The following ODAD4 variants were observed in gnomAD, a reference collection of about 807,000 sequenced individuals.
ODAD4 encodes outer dynein arm-docking complex subunit 4.
ODAD4 carries 49 observed loss-of-function variants against 51.8 expected under a neutral mutation model. The ratio of observed to expected loss-of-function variants is 0.95; its 90% CI spans 0.75 to 1.20. The LOEUF (loss-of-function observed/expected upper bound fraction) is 1.20, where lower values mean the gene tolerates loss of function less well. ODAD4 is among the 50% of genes most tolerant of loss of function. The pLI, the probability that ODAD4 is intolerant of heterozygous loss-of-function variation, is 0.00. For missense variants in ODAD4, 590 were observed against 586.5 expected (o/e 1.01, Z -0.06); for synonymous variants, 235 against 221.3 (o/e 1.06, Z -0.55).
intron 2 of ODAD4, 96 bp from the exon 3 acceptor site, chr17:41,935,502 CA>C: frequency 2.6e-6 from 4 of 1,516,210 alleles, no homozygotes; most frequent in Non-Finnish European, 3.6e-6. Flanking sequence ...CCCTGTATTC[CA>C]ACCTTGACCT....
intron 7 of ODAD4, among the ~76,000 whole-genome samples, chr17:41,940,739 G>T (rs2050494089): frequency 6.6e-6 from 1 of 152,018 alleles, no homozygotes; most frequent in African/African-American, 2.4e-5. Flanking sequence ...GTATATATAT[G>T]GTACCTTGGA....
chr17:41,950,985 TAGGCATA>T (rs2050643429), intron 9 of ODAD4, among the ~76,000 whole-genome samples: 1 of 151,440 alleles, frequency 6.6e-6, no homozygotes, highest in Non-Finnish European at 1.5e-5. Flanking sequence ...GCTGGGATTA[TAGGCATA>T]AGCCACTGCA....
At chr17:41,950,217 G>A (rs887606552) in intron 9 of ODAD4, among the ~76,000 whole-genome samples, 9 of 152,162 alleles carry the variant, frequency 5.9e-5, no homozygotes, top group Middle Eastern at 3.4e-3. Context: ...TGATCCACCC[G>A]CCTCAGCTTC....
intron 7 of ODAD4, among the ~76,000 whole-genome samples, chr17:41,941,328 T>C (rs1017569962): frequency 1.1e-4 from 17 of 152,336 alleles, no homozygotes; most frequent in Non-Finnish European, 2.1e-4. Flanking sequence ...CCTGGCTTTC[T>C]CCAGGCCCCC....
intron 8 of ODAD4, among the ~76,000 whole-genome samples, chr17:41,947,731 G>GT (rs1281089238): frequency 1.1e-4 from 17 of 151,986 alleles, no homozygotes; most frequent in Non-Finnish European, 2.5e-4. Flanking sequence ...GGAGGCGGAG[G>GT]TTGCAGTGAG....
chr17:41,934,177 G>A (rs2050392711), intron 1 of ODAD4, among the ~76,000 whole-genome samples: 1 of 150,594 alleles, frequency 6.6e-6, no homozygotes, highest in Non-Finnish European at 1.5e-5. Flanking sequence ...GAGTAGCTGG[G>A]ATTACAGGTG....
chr17:41,963,364 T>G (rs1555642022), intron 11 of ODAD4, among the ~76,000 whole-genome samples: 1 of 152,192 alleles, frequency 6.6e-6, no homozygotes, highest in African/African-American at 2.4e-5. Flanking sequence ...AGCTGAACTT[T>G]TTGTTAGCAG....
chr17:41,935,619 G>C lies in ODAD4; in HGVS notation c.267G>C (p.Glu89Asp). Residue 89 changes from glutamate (E) to aspartate (D), a missense_variant, in exon 3 of 12, where the codon GAG (glutamate) becomes GAC (aspartate). Coordinates refer to ENST00000377540, the MANE Select transcript of ODAD4 (RefSeq NM_031421.5). ...TCCAGGGGATTTTGCAAAAGGCTGA[G>C]ACACTGTACACCATGGGAGACTTTG... ...AFCKGILQKA[E>D]TLYTMGDFEF... The C allele has an allele frequency of 1.2e-6, 2 of 1,612,912 alleles. No individual in the cohort carries two copies. The highest frequency in any genetic ancestry group is 4.5e-5 in the East Asian group (2 of 44,880).
At chr17:41,943,192 C>T (rs1226516479) in intron 7 of ODAD4, among the ~76,000 whole-genome samples, 7 of 152,184 alleles carry the variant, frequency 4.6e-5, no homozygotes, top group Non-Finnish European at 1.5e-5. Flanking sequence ...ATGTGTTTAC[C>T]TACATACTCA....
chr17:41,945,939 A>G (rs1555639456), intron 8 of ODAD4, among the ~76,000 whole-genome samples: 1 of 152,200 alleles, frequency 6.6e-6, no homozygotes, highest in Non-Finnish European at 1.5e-5. Context: ...AGGAACGTAT[A>G]CTTGGAAGAG....
intron 7 of ODAD4, among the ~76,000 whole-genome samples, chr17:41,940,854 AT>A (rs1452378606): frequency 6.6e-6 from 1 of 152,210 alleles, no homozygotes; most frequent in African/African-American, 2.4e-5. Flanking sequence ...AGACATTTCC[AT>A]CTGGATGTCC....
rs782033243 is a variant in ODAD4, at chr17:41,955,334, G to A, written c.1443+17G>A. 1.7e-5 allele frequency: 13 copies of A among 764,570 alleles called. No individual in the cohort carries two copies. The highest frequency in any genetic ancestry group is 6.9e-5 in the South Asian group (5 of 72,250). The allele number at this position is 764,570 out of a possible 1,614,324, so 47.4% of individuals were successfully genotyped here. A position where few individuals can be genotyped will look rare whatever the true frequency, so the allele number is the denominator to read the frequency against. Reference sequence around the variant, plus strand: ...ATCATCAGTGTGAGCCTTTCCACCCGCCGGGCTTCGGGTGTCAGGAGTGGG... The same window carrying A: ...ATCATCAGTGTGAGCCTTTCCACCCACCGGGCTTCGGGTGTCAGGAGTGGG... On this transcript the variant is annotated intron_variant, in intron 10 of 11. Transcript: ENST00000377540.
At chr17:41,962,309 T>C (rs942261778) in intron 11 of ODAD4, among the ~76,000 whole-genome samples, 1 of 152,166 alleles carries the variant, frequency 6.6e-6, no homozygotes, top group East Asian at 1.9e-4. Context: ...CAGAGGGGCA[T>C]AAGGTGCAGA....
intron 8 of ODAD4, among the ~76,000 whole-genome samples, chr17:41,947,296 A>G (rs1364869810): frequency 1.7e-4 from 25 of 149,284 alleles, no homozygotes; most frequent in African/African-American, 5.9e-4. Context: ...ACATGGTGAA[A>G]CACTGTCTCT....
Position 41,936,775 on chromosome 17 carries a change from A to G in ODAD4, c.473A>G (p.Gln158Arg), listed in dbSNP as rs782812876. ...LSKQAENIKA[Q>R]QKPQPMKHLL... ...CCATTTTCTCAGAATATAAAAGCCC[A>G]GCAGAAGCCTCAGCCCATGAAACAC... Residue 158 changes from glutamine (Q) to arginine (R), a missense_variant, in exon 5 of 12, where the codon CAG becomes CGG. Gln to Arg is a conservative substitution (Grantham distance 43). This residue lies in a region of ODAD4 where 360 missense variants were observed against 407.5 expected (regional missense o/e 0.88). Transcript: ENST00000377540. The G allele has an allele frequency of 1.6e-5, 26 of 1,613,964 alleles. No individual in the cohort carries two copies. The Admixed American group carries it at 2.0e-4, about 12-fold the overall frequency.
chr17:41,963,778 T>C (rs2050837624), intron 11 of ODAD4, among the ~76,000 whole-genome samples: 2 of 151,156 alleles, frequency 1.3e-5, no homozygotes, highest in African/African-American at 4.9e-5. Flanking sequence ...GTGCCTTTTT[T>C]TTTTTGAAAT....
At chr17:41,939,831 G>C (rs12936531) in intron 7 of ODAD4, among the ~76,000 whole-genome samples, 15 of 152,182 alleles carry the variant, frequency 9.9e-5, no homozygotes, top group African/African-American at 3.6e-4. Flanking sequence ...GAGTCAGGCA[G>C]ACCTAGGCTG....
At chr17:41,938,142 C>T (rs961447100) in intron 5 of ODAD4, among the ~76,000 whole-genome samples, 1 of 152,230 alleles carries the variant, frequency 6.6e-6, no homozygotes, top group African/African-American at 2.4e-5. Context: ...CTTGGGCACC[C>T]GCCTTCCAGC....
At chr17:41,958,304 A>G (rs532364275) in intron 10 of ODAD4, among the ~76,000 whole-genome samples, 242 of 152,074 alleles carry the variant, frequency 1.6e-3, no homozygotes, top group Non-Finnish European at 2.5e-3. Context: ...CACGTTGTGC[A>G]CTTGTAATTG....
Sources: allele counts gnomAD v4.1 joint callset (sites outside exome capture counted in the v4.1 genomes callset), GRCh38; gene constraint gnomAD v4.1.1; regional missense constraint gnomAD v4.1.1; transcripts MANE v1.5; gene names NCBI Gene and HGNC (gene_info 2026-07-23, HGNC 2026-07-21).